TNR: variants seen among roughly 807,000 people sequenced by gnomAD.
TNR encodes tenascin-R.
Under a neutral mutation model 150.4 loss-of-function variants are expected in TNR, and 45 were observed. That is an observed-to-expected ratio of 0.30 (90% CI 0.24 to 0.38). The LOEUF (loss-of-function observed/expected upper bound fraction) is 0.38. TNR is among the 10% of genes least tolerant of loss of function. TNR has a pLI of 1.00. For missense variants in TNR, 1,544 were observed against 1,759.1 expected (o/e 0.88, Z 2.19); for synonymous variants, 687 against 678.4 (o/e 1.01, Z -0.20).
chr1:175,363,694 A>G lies in TNR; in HGVS notation c.2707+14T>C. 2.5e-6 allele frequency: 4 copies of G among 1,611,110 alleles called. No individual in the cohort carries two copies. The highest frequency in any genetic ancestry group is 2.5e-6 in the Non-Finnish European group (3 of 1,178,600). ...AAATCCTAGTATCTTTGAGAAATCA[A>G]ATCACTTTGTTACCTTGGGTGGGTC... On this transcript the variant is annotated intron_variant, in intron 13 of 22. Transcript: ENST00000367674.
chr1:175,357,189 G>A (rs1307404402), intron 15 of TNR, among the ~76,000 whole-genome samples: 8 of 152,076 alleles, frequency 5.3e-5, no homozygotes, highest in Admixed American at 5.2e-4. Flanking sequence ...TTGGGCCACT[G>A]TTTCAGTTGA....
intron 2 of TNR, among the ~76,000 whole-genome samples, chr1:175,492,094 T>C (rs1198036304): frequency 2.6e-5 from 4 of 152,340 alleles, no homozygotes; most frequent in South Asian, 4.1e-4. Flanking sequence ...TAGTAACTAT[T>C]TCCATAAACA....
intron 1 of TNR, among the ~76,000 whole-genome samples, chr1:175,642,867 G>T (rs1211841191): frequency 6.6e-6 from 1 of 152,182 alleles, no homozygotes; most frequent in East Asian, 1.9e-4. Context: ...GGAGTTTGAG[G>T]CTGCAGTGAG....
intron 2 of TNR, among the ~76,000 whole-genome samples, chr1:175,484,572 T>C (rs1286215976): frequency 6.6e-6 from 1 of 152,226 alleles, no homozygotes; most frequent in Non-Finnish European, 1.5e-5. Flanking sequence ...TTTCTTTACA[T>C]TTATTCCTCC....
intron 1 of TNR, among the ~76,000 whole-genome samples, chr1:175,690,471 AG>A (rs1215478418): frequency 6.6e-6 from 1 of 152,242 alleles, no homozygotes. Context: ...ATAAAGAGCA[AG>A]AAGGGGCATT....
At chr1:175,684,274 G>C (rs1021334988) in intron 1 of TNR, among the ~76,000 whole-genome samples, 2 of 152,118 alleles carry the variant, frequency 1.3e-5, no homozygotes, top group African/African-American at 4.8e-5. Flanking sequence ...CCCTGTGTTA[G>C]GTGCTACAGT....
intron 1 of TNR, among the ~76,000 whole-genome samples, chr1:175,664,591 G>A (rs1204032450): frequency 6.6e-6 from 1 of 152,184 alleles, no homozygotes; most frequent in African/African-American, 2.4e-5. Context: ...GCACCTGTGT[G>A]AGTCTTCTAT....
intron 2 of TNR, among the ~76,000 whole-genome samples, chr1:175,466,795 T>G (rs1327320845): frequency 6.6e-6 from 1 of 152,208 alleles, no homozygotes; most frequent in African/African-American, 2.4e-5. Flanking sequence ...ACCCTCCATC[T>G]GGCATGTTCT....
At chr1:175,340,392 G>C (rs1443630681) in intron 18 of TNR, among the ~76,000 whole-genome samples, 1 of 152,222 alleles carries the variant, frequency 6.6e-6, no homozygotes, top group East Asian at 1.9e-4. Context: ...TGCTCACACA[G>C]ACTATCAAGA....
chr1:175,359,587 G>T lies in TNR; in HGVS notation c.2974+25C>A, dbSNP rs571568372. ...CAATTCCCACCATTCCCACCTGCCT[G>T]ATCTGCAGGCCTGCAGACACCCACC... is the stretch of plus-strand genomic sequence containing the variant. On this transcript the variant is annotated intron_variant, in intron 15 of 22. Coordinates refer to ENST00000367674, the MANE Select transcript of TNR (RefSeq NM_003285.3). 2.5e-6 allele frequency: 4 copies of T among 1,612,756 alleles called. No homozygotes were observed. In the Admixed American group the frequency reaches 6.7e-5, roughly 27 times the overall value.
At chr1:175,387,998 T>C (rs1653011123) in intron 7 of TNR, among the ~76,000 whole-genome samples, 1 of 152,248 alleles carries the variant, frequency 6.6e-6, no homozygotes, top group Admixed American at 6.5e-5. Context: ...GTTTTCATAT[T>C]TGAGGTAGTA....
At chr1:175,476,984 T>C (rs1286377091) in intron 2 of TNR, among the ~76,000 whole-genome samples, 1 of 151,956 alleles carries the variant, frequency 6.6e-6, no homozygotes, top group East Asian at 1.9e-4. Context: ...TTAAGGAGAG[T>C]ATAATGGAGA....
In TNR at chr1:175,608,650, A is replaced by G. The variant is rs142512092; in HGVS notation, c.-164-80281T>C. 8.2e-4 allele frequency among the ~76,000 whole-genome samples: 125 copies of G among 152,374 alleles called. 1 individual carries two copies. The highest frequency in any genetic ancestry group is 2.7e-3 in the African/African-American group (113 of 41,596). ...AAGGGATTGAGATATAGCATGTTCA[A>G]GGAGCTTCTGTAAATCAACAACAAA... is the stretch of plus-strand genomic sequence containing the variant. On this transcript the variant is annotated intron_variant, in intron 1 of 22. Transcript: ENST00000367674.
chr1:175,443,430 C>T (rs189380312), intron 2 of TNR, among the ~76,000 whole-genome samples: 101 of 152,242 alleles, frequency 6.6e-4, no homozygotes, highest in Non-Finnish European at 1.2e-3. Context: ...TAGGTTATAC[C>T]CCAGGCTCCC....
chr1:175,419,105 G>T (rs1654637062), intron 2 of TNR, among the ~76,000 whole-genome samples: 1 of 151,948 alleles, frequency 6.6e-6, no homozygotes, highest in Non-Finnish European at 1.5e-5. Context: ...GGTTCTTCAG[G>T]GTACATAATT....
At chr1:175,466,981 C>T (rs1437944011) in intron 2 of TNR, among the ~76,000 whole-genome samples, 1 of 152,126 alleles carries the variant, frequency 6.6e-6, no homozygotes, top group African/African-American at 2.4e-5. Context: ...AGAAATGGGA[C>T]TTAACCCCTG....
intron 1 of TNR, among the ~76,000 whole-genome samples, chr1:175,655,121 GAA>G (rs933036636): frequency 5.3e-5 from 8 of 152,056 alleles, no homozygotes; most frequent in African/African-American, 1.9e-4. Context: ...TGGTGCACTG[GAA>G]TTGTGTTGCT....
chr1:175,731,536 T>G (rs992406084), intron 1 of TNR, among the ~76,000 whole-genome samples: 20 of 152,318 alleles, frequency 1.3e-4, no homozygotes, highest in African/African-American at 4.3e-4. Flanking sequence ...CTATATATGT[T>G]GCCTTATTCA....
intron 1 of TNR, among the ~76,000 whole-genome samples, chr1:175,573,526 G>A (rs187102496): frequency 1.2e-3 from 190 of 152,358 alleles, no homozygotes; most frequent in Middle Eastern, 3.4e-3. Flanking sequence ...AGCCCAACAG[G>A]TGAGTTAGCA....
Sources: gnomAD v4.1 joint callset for allele counts (sites outside exome capture counted in the v4.1 genomes callset) on GRCh38, gnomAD v4.1.1 for gene constraint, MANE v1.5 for transcripts, NCBI Gene and HGNC (gene_info 2026-07-23, HGNC 2026-07-21) for gene names.